The following ZNF503 variants were observed in gnomAD, a reference collection of about 807,000 sequenced individuals.
The protein encoded by ZNF503 is zinc finger protein 503.
In ZNF503, 15 loss-of-function variants were observed where a neutral mutation model predicts 34.4. The observed-to-expected ratio is 0.44, with a 90% CI of 0.29 to 0.67. ZNF503 has a LOEUF of 0.67. Ranked by LOEUF, ZNF503 falls within the 30% of genes least tolerant of loss-of-function variation. The probability of loss-of-function intolerance (pLI) is 0.13; values close to 1 mark genes in which losing one functional copy is unlikely to be tolerated. For synonymous variants in ZNF503, 580 were observed against 456.8 expected, an observed-to-expected ratio of 1.27 and a Z score of -3.44; for missense variants, 1,007 against 926.8, an observed-to-expected ratio of 1.09 and a Z score of -1.12.
chr10:75,391,500 C>G, the ZNF503 span, among the ~76,000 whole-genome samples: 2 of 152,190 alleles, frequency 1.3e-5, no homozygotes, highest in Non-Finnish European at 2.9e-5. Flanking sequence ...CACCTCTAGT[C>G]TGGGAGAATA....
At chr10:75,388,359 A>G in the ZNF503 span, among the ~76,000 whole-genome samples, 1 of 152,130 alleles carries the variant, frequency 6.6e-6, no homozygotes, top group Non-Finnish European at 1.5e-5. Flanking sequence ...ACATAACATC[A>G]CTGAGTGAGG....
the ZNF503 span, among the ~76,000 whole-genome samples, chr10:75,348,855 T>G: frequency 6.6e-6 from 1 of 152,200 alleles, no homozygotes; most frequent in African/African-American, 2.4e-5. Flanking sequence ...CTTTTCCTAA[T>G]TTTTTAATTT....
the ZNF503 span, among the ~76,000 whole-genome samples, chr10:75,370,778 CAAAAAAAAAAAAAAAAAAAAAAA>C: frequency 3.7e-4 from 25 of 67,974 alleles, no homozygotes; most frequent in East Asian, 2.0e-3. Context: ...GGCTCCATCT[CAAAAAAAAAAAAAAAAAAAAAAA>C]AAAAAAAAAA....
At chr10:75,385,441 T>A in the ZNF503 span, among the ~76,000 whole-genome samples, 3 of 152,248 alleles carry the variant, frequency 2.0e-5, no homozygotes, top group African/African-American at 7.2e-5. Context: ...CACTCCATTT[T>A]GGTCAGCTGG....
chr10:75,348,365 T>C, the ZNF503 span, among the ~76,000 whole-genome samples: 1 of 151,400 alleles, frequency 6.6e-6, no homozygotes, highest in Non-Finnish European at 1.5e-5. Flanking sequence ...CCTGGCCTAA[T>C]TTTTGAAATT....
At chr10:75,390,804 C>T in the ZNF503 span, among the ~76,000 whole-genome samples, 1 of 152,174 alleles carries the variant, frequency 6.6e-6, no homozygotes, top group Admixed American at 6.5e-5. Context: ...GGCTGCCAGA[C>T]AAAATACCAT....
the ZNF503 span, among the ~76,000 whole-genome samples, chr10:75,284,723 T>C: frequency 6.6e-6 from 1 of 152,192 alleles, no homozygotes; most frequent in Non-Finnish European, 1.5e-5. Context: ...GATTATAGTC[T>C]GCCCAGCGAT....
chr10:75,300,258 C>A, the ZNF503 span, among the ~76,000 whole-genome samples: 2 of 152,206 alleles, frequency 1.3e-5, no homozygotes, highest in Non-Finnish European at 2.9e-5. Context: ...GGCTCACCGG[C>A]GGTCAGAGTT....
downstream of ZNF503, among the ~76,000 whole-genome samples, chr10:75,393,756 G>C (rs1408695019): frequency 1.3e-5 from 2 of 152,122 alleles, no homozygotes; most frequent in Non-Finnish European, 2.9e-5. Context: ...CTACTCAGGA[G>C]ACTGAGGTGG....
At chr10:75,344,337 T>C in the ZNF503 span, among the ~76,000 whole-genome samples, 1 of 152,196 alleles carries the variant, frequency 6.6e-6, no homozygotes, top group Non-Finnish European at 1.5e-5. Flanking sequence ...CTTACGTTCA[T>C]GGTGAAAATG....
the ZNF503 span, among the ~76,000 whole-genome samples, chr10:75,347,632 C>G: frequency 3.3e-5 from 5 of 152,348 alleles, no homozygotes; most frequent in Admixed American, 6.5e-5. Flanking sequence ...TTCTCTCCCT[C>G]GGAGCCTGTC....
chr10:75,337,150 C>A, the ZNF503 span, among the ~76,000 whole-genome samples: 2 of 151,738 alleles, frequency 1.3e-5, no homozygotes, highest in Non-Finnish European at 2.9e-5. Flanking sequence ...ATGGTGAAAC[C>A]CCATCTCTAC....
At chr10:75,378,455 G>T in the ZNF503 span, among the ~76,000 whole-genome samples, 2 of 152,128 alleles carry the variant, frequency 1.3e-5, no homozygotes, top group East Asian at 1.9e-4. Flanking sequence ...TATGCTTCCT[G>T]GGGGAGGGTG....
the ZNF503 span, chr10:75,382,930 T>G: frequency 9.2e-6 from 2 of 216,300 alleles, no homozygotes; most frequent in African/African-American, 4.7e-5. Flanking sequence ...TCTGACCTCA[T>G]GTTCTAGGGA....
chr10:75,385,949 C>A, the ZNF503 span, among the ~76,000 whole-genome samples: 1 of 152,134 alleles, frequency 6.6e-6, no homozygotes, highest in African/African-American at 2.4e-5. Context: ...ATTTACAGCT[C>A]CAGCCCTGAC....
chr10:75,388,286 T>C, the ZNF503 span, among the ~76,000 whole-genome samples: 39 of 152,274 alleles, frequency 2.6e-4, no homozygotes, highest in Non-Finnish European at 4.1e-4. Context: ...GAATCTTTCA[T>C]TTGTAGTACT....
At chr10:75,356,147 G>A in the ZNF503 span, among the ~76,000 whole-genome samples, 5 of 152,214 alleles carry the variant, frequency 3.3e-5, no homozygotes, top group African/African-American at 1.2e-4. Context: ...CAATTTCAAG[G>A]AGTGGGGATG....
At chr10:75,299,404 G>A in the ZNF503 span, among the ~76,000 whole-genome samples, 2 of 152,028 alleles carry the variant, frequency 1.3e-5, no homozygotes, top group African/African-American at 4.8e-5. Context: ...TACTGAGTGA[G>A]CTATTGAACT....
chr10:75,320,973 A>G, the ZNF503 span, among the ~76,000 whole-genome samples: 2,971 of 152,280 alleles, frequency 0.02, 111 homozygotes, highest in African/African-American at 0.068. Flanking sequence ...GTCATGTCAA[A>G]TTGTAACCCC....
Sources: gnomAD v4.1 joint callset for allele counts (sites outside exome capture counted in the v4.1 genomes callset) on GRCh38, gnomAD v4.1.1 for gene constraint, MANE v1.5 for transcripts, NCBI Gene and HGNC (gene_info 2026-07-23, HGNC 2026-07-21) for gene names.